The following MAST2 variants were observed in gnomAD, a reference collection of about 807,000 sequenced individuals.
The protein encoded by MAST2 is microtubule-associated serine/threonine-protein kinase 2.
A neutral mutation model predicts 147.4 loss-of-function variants in MAST2; 70 were observed. The ratio of observed to expected loss-of-function variants is 0.47; its 90% CI spans 0.39 to 0.58. MAST2 has a LOEUF of 0.58. MAST2 is among the 20% of genes least tolerant of loss of function. The pLI is 0.00. For synonymous variants in MAST2, 869 were observed against 896.8 expected, an observed-to-expected ratio of 0.97 and a Z score of 0.55; for missense variants, 2,080 against 2,302.3, an observed-to-expected ratio of 0.90 and a Z score of 1.98.
chr1:45,859,245 A>T (rs1463096280), intron 3 of MAST2, among the ~76,000 whole-genome samples: 3 of 152,144 alleles, frequency 2.0e-5, no homozygotes, highest in African/African-American at 4.8e-5. Context: ...CAGGCACAAA[A>T]AGTGCCATCA....
chr1:45,955,794 T>C (rs1270195686), intron 4 of MAST2, among the ~76,000 whole-genome samples: 2 of 152,178 alleles, frequency 1.3e-5, no homozygotes, highest in Non-Finnish European at 2.9e-5. Flanking sequence ...CCAGACCATA[T>C]AATGCCTTGT....
chr1:45,843,108 C>G (rs1432201754), intron 3 of MAST2, among the ~76,000 whole-genome samples: 1 of 151,986 alleles, frequency 6.6e-6, no homozygotes, highest in Non-Finnish European at 1.5e-5. Context: ...AATGTCTATA[C>G]AAGTCCTTTG....
chr1:45,922,894 C>T lies in MAST2; in HGVS notation c.501-36492C>T, dbSNP rs146711487. The stretch of plus-strand genomic sequence containing the variant: ...TGGGCCAGGTGCTGGGCTGCTCCAA[C>T]GCATCGAGTCTGGTGCTCCTGGTGG... On this transcript the variant is annotated intron_variant, in intron 4 of 28. Transcript: ENST00000361297. Among the ~76,000 whole-genome samples the T allele has an allele frequency of 5.8e-3, 886 of 152,318 alleles. 11 individuals are homozygous for T. Among genetic ancestry groups the T allele is most frequent in the African/African-American group, 0.019 (799 of 41,580 alleles).
chr1:45,988,487 AGTTTT>A (rs1236025177), intron 5 of MAST2, among the ~76,000 whole-genome samples: 12 of 152,092 alleles, frequency 7.9e-5, no homozygotes, highest in African/African-American at 2.9e-4. Flanking sequence ...AAATTTATTG[AGTTTT>A]GTTTTATGAC....
At chr1:45,880,951 C>T (rs1215265527) in intron 3 of MAST2, among the ~76,000 whole-genome samples, 3 of 130,802 alleles carry the variant, frequency 2.3e-5, no homozygotes, top group African/African-American at 6.0e-5. Context: ...TGGGTGACAG[C>T]GTGAGACTCC....
At chr1:46,029,731 C>T in intron 19 of MAST2, 100 bp from the exon 20 acceptor site, 2 of 1,468,034 alleles carry the variant, frequency 1.4e-6, no homozygotes, top group Non-Finnish European at 1.9e-6. Context: ...AGCTGATCCC[C>T]TAGGTATAGC....
chr1:45,859,150 G>A (rs916192586), intron 3 of MAST2, among the ~76,000 whole-genome samples: 2 of 152,074 alleles, frequency 1.3e-5, no homozygotes, highest in African/African-American at 2.4e-5. Flanking sequence ...TGTGAAGAAA[G>A]TCATTGGTAT....
intron 4 of MAST2, among the ~76,000 whole-genome samples, chr1:45,891,476 C>T (rs1267535871): frequency 6.6e-6 from 1 of 151,708 alleles, no homozygotes. Flanking sequence ...GAGACCGTTT[C>T]AAAACAAAAC....
At chr1:45,953,964 A>G (rs1164102951) in intron 4 of MAST2, among the ~76,000 whole-genome samples, 1 of 152,162 alleles carries the variant, frequency 6.6e-6, no homozygotes, top group Non-Finnish European at 1.5e-5. Flanking sequence ...CTTAACCAGG[A>G]CATCTTGGTT....
chr1:46,031,538 T>G lies in MAST2; in HGVS notation c.3140T>G (p.Val1047Gly), dbSNP rs1399182150. The stretch of plus-strand genomic sequence containing the variant: ...CGCACTGCTCGCCCTGTCAACAAAG[T>G]GATCAAGTCCGCCTCAGCCACAGCC... Reference protein sequence around the residue: ...EKRTARPVNKVIKSASATALS... With the variant: ...EKRTARPVNKGIKSASATALS... The change falls in exon 24 of 29, where the codon GTG (valine) becomes GGG (glycine). Residue 1047 changes from valine (V) to glycine (G), a missense_variant. Around this residue, in one of 4 missense-constraint regions of MAST2, gnomAD observed 1,278 missense variants for 1,304.2 expected, o/e 0.98. Transcript: ENST00000361297. This position sits in a 1 kb window ranked among gnomAD's most constrained non-coding sequence, Gnocchi z 4.1. 2 of 1,614,010 alleles carry G rather than the reference T, an allele frequency of 1.2e-6. No individual in the cohort carries two copies. The highest frequency in any genetic ancestry group is 1.7e-6 in the Non-Finnish European group (2 of 1,179,890).
intron 4 of MAST2, among the ~76,000 whole-genome samples, chr1:45,904,691 C>T (rs1345022571): frequency 3.9e-5 from 6 of 152,098 alleles, no homozygotes; most frequent in Non-Finnish European, 8.8e-5. Flanking sequence ...GTCTCAAACT[C>T]CTGAGTTCAA....
intron 1 of MAST2, among the ~76,000 whole-genome samples, chr1:45,823,869 T>G (rs1644712029): frequency 6.6e-6 from 1 of 152,062 alleles, no homozygotes; most frequent in Non-Finnish European, 1.5e-5. Context: ...GAGAAAGAGG[T>G]GTTGGAGTGG....
chr1:45,825,818 C>A (rs529090129), intron 2 of MAST2, among the ~76,000 whole-genome samples: 1 of 151,530 alleles, frequency 6.6e-6, no homozygotes, highest in African/African-American at 2.4e-5. Context: ...GGCTCACGCC[C>A]GTAATCACAG....
At chr1:45,872,107 T>C (rs79335020) in intron 3 of MAST2, among the ~76,000 whole-genome samples, 56 of 152,350 alleles carry the variant, frequency 3.7e-4, no homozygotes, top group African/African-American at 1.3e-3. Flanking sequence ...GAGTGGATTA[T>C]TGGGTTATGT....
At position 45,975,676 on chromosome 1, in the gene MAST2, C is replaced by CAA. The variant is rs372155048; in HGVS notation, c.592+16214_592+16215dup. Among the ~76,000 whole-genome samples, 366 of 112,382 alleles carry CAA rather than the reference C, an allele frequency of 3.3e-3. 1 individual carries two copies. Among genetic ancestry groups the CAA allele is most frequent in the Middle Eastern group, 0.013 (3 of 230 alleles). The allele number at this position is 112,382 out of a possible 152,430, so 73.7% of individuals were successfully genotyped here. A position where few individuals can be genotyped will look rare whatever the true frequency, so the allele number is the denominator to read the frequency against. On this transcript the variant is annotated intron_variant, in intron 5 of 28. Coordinates refer to ENST00000361297, the MANE Select transcript of MAST2 (RefSeq NM_015112.3). Reference sequence around the variant, plus strand: ...TGTGAAACAGAGCAAGACTCTGTCTCAAAAAAAAAAAAAAAACACAGACCA... The same window carrying CAA: ...TGTGAAACAGAGCAAGACTCTGTCTCAAAAAAAAAAAAAAAAAACACAGACCA...
chr1:45,888,455 C>T (rs973293619), intron 4 of MAST2, among the ~76,000 whole-genome samples: 22 of 152,044 alleles, frequency 1.4e-4, no homozygotes, highest in Non-Finnish European at 2.2e-4. Context: ...CTCCGCCTCC[C>T]GGGTTCACAC....
rs1478055581 is a variant in MAST2 at position 45,906,901 on chromosome 1, G to A, written c.500+24506G>A. 3.3e-5 allele frequency among the ~76,000 whole-genome samples: 5 copies of A among 151,852 alleles called. No homozygotes were observed. The South Asian group carries it at 1.0e-3, about 32-fold the overall frequency. ...AGTGTACCATTTCTATCTTTTACAT[G>A]TATTTTTACTGTACCTTTTTTATGT... On this transcript the variant is annotated intron_variant, in intron 4 of 28. Transcript: ENST00000361297.
At chr1:45,823,906 T>C (rs958536481) in intron 1 of MAST2, among the ~76,000 whole-genome samples, 2 of 152,178 alleles carry the variant, frequency 1.3e-5, no homozygotes, top group Non-Finnish European at 2.9e-5. Context: ...CAATGTTTTG[T>C]ATTGCCTGTA....
At chr1:45,828,837 T>C (rs145573584) in intron 2 of MAST2, among the ~76,000 whole-genome samples, 27 of 151,736 alleles carry the variant, frequency 1.8e-4, no homozygotes, top group African/African-American at 6.5e-4. Flanking sequence ...GGCAGGAGAA[T>C]CGCTTGAGCC....
Sources: gnomAD v4.1 joint callset for allele counts (sites outside exome capture counted in the v4.1 genomes callset) on GRCh38, gnomAD v4.1.1 for gene constraint, gnomAD v4.1.1 regional missense constraint, Gnocchi (gnomAD v3.1) non-coding constraint, MANE v1.5 for transcripts, NCBI Gene and HGNC (gene_info 2026-07-23, HGNC 2026-07-21) for gene names.